The following KCNH8 variants were observed in gnomAD, a reference collection of about 807,000 sequenced individuals.
KCNH8 encodes potassium voltage-gated channel subfamily H member 8, also known as voltage-gated delayed rectifier potassium channel KCNH8.
In KCNH8, 70 loss-of-function variants were observed where a neutral mutation model predicts 103.6. That is an observed-to-expected ratio of 0.68 (90% CI 0.56 to 0.82). KCNH8 has a LOEUF of 0.82. KCNH8 is among the 40% of genes least tolerant of loss of function. KCNH8 has a pLI of 0.00. For missense variants in KCNH8, 1,217 were observed against 1,329.9 expected (o/e 0.92, Z 1.32); for synonymous variants, 498 against 489.4 (o/e 1.02, Z -0.23).
intron 2 of KCNH8, among the ~76,000 whole-genome samples, chr3:19,254,372 T>C (rs1026346140): frequency 5.3e-5 from 8 of 152,108 alleles, no homozygotes; most frequent in Non-Finnish European, 8.8e-5. Flanking sequence ...TCTTTTCCGG[T>C]TACCTAGCCA....
chr3:19,157,552 T>C (rs1410967711), intron 1 of KCNH8, among the ~76,000 whole-genome samples: 1 of 152,092 alleles, frequency 6.6e-6, no homozygotes, highest in Non-Finnish European at 1.5e-5. Context: ...TTATTGCTTC[T>C]GGCAAGTCAA....
In KCNH8 at chr3:19,531,266, C is replaced by A. The variant is rs377044873; in HGVS notation, c.2620-2129C>A. The stretch of plus-strand genomic sequence containing the variant: ...GCAGCCTTGTCTTCTGAAATTATGA[C>A]ACAAGAATTAATCACTTTAAGATGG... On this transcript the variant is annotated intron_variant, in intron 15 of 15. Coordinates refer to ENST00000328405, the MANE Select transcript of KCNH8 (RefSeq NM_144633.3). Among the ~76,000 whole-genome samples the A allele has an allele frequency of 2.8e-4, 42 of 152,248 alleles. No homozygotes were observed. In the East Asian group the frequency reaches 6.2e-3, roughly 22 times the overall value.
Position 19,258,903 on chromosome 3 carries a change from G to GTT in KCNH8, c.310+5018_310+5019dup, listed in dbSNP as rs1206671766. On this transcript the variant is annotated intron_variant, in intron 2 of 15. Coordinates refer to ENST00000328405, the MANE Select transcript of KCNH8 (RefSeq NM_144633.3). ...GTAAATAACTTCATTTTTATTTTCTGTTTCTCTCTCTCTCTCTCTCTCTCT... is the reference window on the plus strand; with the variant it reads ...GTAAATAACTTCATTTTTATTTTCTGTTTTTCTCTCTCTCTCTCTCTCTCTCT... Among the ~76,000 whole-genome samples, 213 of 57,890 alleles carry GTT rather than the reference G, an allele frequency of 3.7e-3. 1 individual carries two copies. Among genetic ancestry groups the GTT allele is most frequent in the South Asian group, 7.9e-3 (14 of 1,770 alleles). 38.0% of individuals were successfully genotyped at this position (57,890 alleles called of 152,430 possible). A position where few individuals can be genotyped will look rare whatever the true frequency, so the allele number is the denominator to read the frequency against.
chr3:19,268,173 A>G (rs1012746615), intron 2 of KCNH8, among the ~76,000 whole-genome samples: 3 of 152,142 alleles, frequency 2.0e-5, no homozygotes, highest in South Asian at 4.1e-4. Context: ...CTATTAAGAG[A>G]GAATGACTAA....
intron 3 of KCNH8, among the ~76,000 whole-genome samples, chr3:19,342,034 T>C (rs914959084): frequency 6.6e-6 from 1 of 152,082 alleles, no homozygotes; most frequent in African/African-American, 2.4e-5. Flanking sequence ...AGTGAAATAG[T>C]AAAATTAATA....
intron 5 of KCNH8, among the ~76,000 whole-genome samples, chr3:19,387,016 C>T (rs943674739): frequency 7.2e-5 from 11 of 152,090 alleles, no homozygotes; most frequent in African/African-American, 2.7e-4. Context: ...CTACAGTTCT[C>T]TTAAATGGAA....
chr3:19,525,555 G>C (rs1575174942), intron 15 of KCNH8, among the ~76,000 whole-genome samples: 1 of 152,032 alleles, frequency 6.6e-6, no homozygotes, highest in East Asian at 1.9e-4. Flanking sequence ...GACAAAAGCA[G>C]TCAAAGGGTT....
intron 11 of KCNH8, among the ~76,000 whole-genome samples, chr3:19,480,214 G>A (rs532364617): frequency 6.6e-6 from 1 of 152,320 alleles, no homozygotes; most frequent in South Asian, 2.1e-4. Context: ...GTTCTGCGAT[G>A]TTTGCTTCTT....
chr3:19,258,947 C>CTCTCTCTCTCTATATATA (rs1321918245), intron 2 of KCNH8, among the ~76,000 whole-genome samples: 6 of 24,800 alleles, frequency 2.4e-4, no homozygotes, highest in Non-Finnish European at 4.0e-4. Flanking sequence ...CTCTCTCTCT[C>CTCTCTCTCTCTATATATA]TATATATATA....
chr3:19,500,792 G>C (rs1308373456), intron 11 of KCNH8, among the ~76,000 whole-genome samples: 1 of 151,916 alleles, frequency 6.6e-6, no homozygotes, highest in Non-Finnish European at 1.5e-5. Context: ...TGTGTAGAGG[G>C]AAATTTATAG....
At chr3:19,377,774 T>C (rs995185510) in intron 5 of KCNH8, among the ~76,000 whole-genome samples, 2 of 152,202 alleles carry the variant, frequency 1.3e-5, no homozygotes, top group Admixed American at 6.5e-5. Flanking sequence ...TTCATAATGA[T>C]AAAAGGTCAC....
chr3:19,282,954 A>G (rs2064777017), intron 3 of KCNH8, among the ~76,000 whole-genome samples: 1 of 152,154 alleles, frequency 6.6e-6, no homozygotes, highest in South Asian at 2.1e-4. Context: ...AGTGAGCTCT[A>G]GTTTTAGGCA....
chr3:19,468,776 CTA>C (rs1274626190), intron 11 of KCNH8, among the ~76,000 whole-genome samples: 1 of 152,170 alleles, frequency 6.6e-6, no homozygotes, highest in Non-Finnish European at 1.5e-5. Context: ...TTAAGCTGTG[CTA>C]TATCCATGAG....
chr3:19,305,588 A>C (rs140178126), intron 3 of KCNH8, among the ~76,000 whole-genome samples: 1,826 of 152,242 alleles, frequency 0.012, 18 homozygotes, highest in Non-Finnish European at 0.018. Flanking sequence ...ACCTATTGAG[A>C]GAAAATTCAC....
chr3:19,371,092 C>T (rs1480317948), intron 5 of KCNH8, among the ~76,000 whole-genome samples: 2 of 151,760 alleles, frequency 1.3e-5, no homozygotes, highest in African/African-American at 4.8e-5. Context: ...GTCTTTATAG[C>T]AGCATGATTT....
intron 15 of KCNH8, among the ~76,000 whole-genome samples, chr3:19,518,905 G>A (rs906973392): frequency 2.0e-5 from 3 of 151,924 alleles, no homozygotes; most frequent in African/African-American, 7.3e-5. Flanking sequence ...CAAGTTCTGA[G>A]ACTATATGGG....
intron 11 of KCNH8, among the ~76,000 whole-genome samples, chr3:19,498,747 G>T (rs1197648485): frequency 6.6e-6 from 1 of 152,152 alleles, no homozygotes; most frequent in Admixed American, 6.5e-5. Flanking sequence ...GTGATGTACA[G>T]ATGGGTTTTT....
chr3:19,341,708 T>C (rs776270117), intron 3 of KCNH8, among the ~76,000 whole-genome samples: 35 of 152,096 alleles, frequency 2.3e-4, no homozygotes, highest in Non-Finnish European at 4.4e-4. Context: ...TAAAGCATGC[T>C]CATCCACACT....
chr3:19,528,802 G>A (rs558193734), intron 15 of KCNH8, among the ~76,000 whole-genome samples: 3 of 152,202 alleles, frequency 2.0e-5, no homozygotes, highest in African/African-American at 7.2e-5. Context: ...TTTGCTGAGT[G>A]CATGTTGTAT....
Sources: gnomAD v4.1 joint callset for allele counts (sites outside exome capture counted in the v4.1 genomes callset) on GRCh38, gnomAD v4.1.1 for gene constraint, MANE v1.5 for transcripts, NCBI Gene and HGNC (gene_info 2026-07-23, HGNC 2026-07-21) for gene names.